Variants in SNX30 observed in about 807,000 individuals in gnomAD.
SNX30 encodes the protein sorting nexin family member 30.
SNX30 carries 24 observed loss-of-function variants against 46.4 expected under a neutral mutation model. That is an observed-to-expected ratio of 0.52 (90% CI 0.37 to 0.73). SNX30 has a LOEUF of 0.73. Ranked by LOEUF, SNX30 falls within the 30% of genes least tolerant of loss-of-function variation. The pLI is 0.00. For synonymous variants in SNX30, 189 were observed against 211.5 expected (o/e 0.89, Z 0.92); for missense variants, 533 against 555.7 (o/e 0.96, Z 0.41).
chr9:112,841,428 T>C (rs1409513783), intron 6 of SNX30, among the ~76,000 whole-genome samples: 1 of 152,238 alleles, frequency 6.6e-6, no homozygotes, highest in African/African-American at 2.4e-5. Context: ...ATGGAGTTTC[T>C]TGTTTACTGA....
At chr9:112,865,624 CAT>C (rs796986603) in intron 8 of SNX30, among the ~76,000 whole-genome samples, 9,292 of 78,658 alleles carry the variant, frequency 0.12, 599 homozygotes, top group Middle Eastern at 0.2. Context: ...CCTGTCACGC[CAT>C]ATATATATAT....
chr9:112,805,904 A>G (rs926677922), intron 2 of SNX30, among the ~76,000 whole-genome samples: 1 of 152,252 alleles, frequency 6.6e-6, no homozygotes, highest in Non-Finnish European at 1.5e-5. Flanking sequence ...TTGTAGGACT[A>G]TACAGCCTAT....
intron 1 of SNX30, among the ~76,000 whole-genome samples, chr9:112,793,795 C>A (rs1219759597): frequency 7.4e-6 from 1 of 135,142 alleles, no homozygotes; most frequent in Non-Finnish European, 1.6e-5. Context: ...TTTACCTCCA[C>A]TGTTTTTTGT....
intron 3 of SNX30, among the ~76,000 whole-genome samples, chr9:112,825,245 C>T (rs1335693354): frequency 6.6e-6 from 1 of 152,178 alleles, no homozygotes; most frequent in African/African-American, 2.4e-5. Context: ...TATTTGCCAA[C>T]ATTTGCTATT....
chr9:112,833,991 A>G (rs775889416), intron 4 of SNX30, among the ~76,000 whole-genome samples: 6 of 152,200 alleles, frequency 3.9e-5, no homozygotes, highest in Non-Finnish European at 7.3e-5. Context: ...CTGAAGGATT[A>G]GAAGTTGAAG....
At chr9:112,792,751 A>T (rs4979154) in intron 1 of SNX30, among the ~76,000 whole-genome samples, 1 of 152,206 alleles carries the variant, frequency 6.6e-6, no homozygotes, top group African/African-American at 2.4e-5. Context: ...TATATTGTTC[A>T]GATTTCCTAA....
intron 2 of SNX30, among the ~76,000 whole-genome samples, chr9:112,807,463 C>T (rs1288081399): frequency 6.6e-6 from 1 of 152,148 alleles, no homozygotes; most frequent in Admixed American, 6.5e-5. Flanking sequence ...CCACTGGGCA[C>T]CTAGCCCAGA....
intron 1 of SNX30, among the ~76,000 whole-genome samples, chr9:112,752,782 CTG>C (rs1847964127): frequency 6.6e-6 from 1 of 152,180 alleles, no homozygotes; most frequent in Non-Finnish European, 1.5e-5. Flanking sequence ...GAAATAGTGT[CTG>C]TGGGACAATC....
rs902838550 is a variant in SNX30 at position 112,871,836 on chromosome 9, G to A, written c.*2993G>A. 2.6e-5 allele frequency: 4 copies of A among 152,314 alleles called. No homozygotes were observed. Among genetic ancestry groups the A allele is most frequent in the East Asian group, 1.9e-4 (1 of 5,192 alleles). 9.4% of individuals were successfully genotyped at this position (152,314 alleles called of 1,614,324 possible). On this transcript the variant is annotated 3_prime_UTR_variant, in exon 9 of 9. Transcript: ENST00000374232. ...TCTTACTAATGTGGTAGATCTACAC[G>A]AACATTCTAGGCTGTTCTGCTCAGA...
chr9:112,866,198 C>T (rs1841340054), intron 8 of SNX30, among the ~76,000 whole-genome samples: 1 of 151,994 alleles, frequency 6.6e-6, no homozygotes, highest in South Asian at 2.1e-4. Flanking sequence ...ATCAAAGGAG[C>T]CCACAGCTTC....
chr9:112,784,400 A>G (rs991236591), intron 1 of SNX30, among the ~76,000 whole-genome samples: 3 of 152,164 alleles, frequency 2.0e-5, no homozygotes, highest in Non-Finnish European at 2.9e-5. Flanking sequence ...CAGATTGTTA[A>G]GCCTGTTATT....
chr9:112,843,866 G>T (rs549092848), intron 6 of SNX30, among the ~76,000 whole-genome samples: 15 of 152,250 alleles, frequency 9.9e-5, no homozygotes, highest in African/African-American at 3.4e-4. Flanking sequence ...ACCCACGTTG[G>T]CCTCCCAAAT....
At chr9:112,848,275 C>T (rs1037540918) in intron 6 of SNX30, among the ~76,000 whole-genome samples, 5 of 151,924 alleles carry the variant, frequency 3.3e-5, no homozygotes, top group African/African-American at 7.3e-5. Flanking sequence ...ACTGCCGGCT[C>T]GGGCCTCATC....
At chr9:112,867,471 C>A (rs191254650) in intron 8 of SNX30, among the ~76,000 whole-genome samples, 1 of 150,210 alleles carries the variant, frequency 6.7e-6, no homozygotes, top group South Asian at 2.1e-4. Flanking sequence ...GAACTCCTCC[C>A]ACCTCAGTAT....
At chr9:112,861,493 G>A (rs1841231310) in intron 7 of SNX30, among the ~76,000 whole-genome samples, 2 of 152,196 alleles carry the variant, frequency 1.3e-5, no homozygotes, top group Admixed American at 6.5e-5. Flanking sequence ...AGTGGCAGGT[G>A]GGGTGTGCAA....
intron 4 of SNX30, 68 bp from the exon 5 acceptor site, chr9:112,836,146 G>C: frequency 7.1e-7 from 1 of 1,399,548 alleles, no homozygotes; most frequent in South Asian, 1.5e-5. Context: ...GCTTTTAGAA[G>C]CTGTTTTATT....
chr9:112,751,249 C>T, intron 1 of SNX30, 92 bp downstream of exon 1: 1 of 1,265,544 alleles, frequency 7.9e-7, no homozygotes, highest in South Asian at 2.2e-5. Flanking sequence ...TGGGGCCGCG[C>T]CCACCCTGCC....
At chr9:112,768,647 CTTTTTTTTTTT>C (rs58983756) in intron 1 of SNX30, among the ~76,000 whole-genome samples, 1 of 64,366 alleles carries the variant, frequency 1.6e-5, no homozygotes, top group Non-Finnish European at 3.3e-5. Context: ...ATTCTTTCTT[CTTTTTTTTTTT>C]TTTTTTTTTT....
At chr9:112,762,991 G>T (rs1839469106) in intron 1 of SNX30, among the ~76,000 whole-genome samples, 1 of 152,124 alleles carries the variant, frequency 6.6e-6, no homozygotes, top group South Asian at 2.1e-4. Context: ...TGAATCACCA[G>T]GTGCTTTCTA....
Sources: allele counts gnomAD v4.1 joint callset (sites outside exome capture counted in the v4.1 genomes callset), GRCh38; gene constraint gnomAD v4.1.1; transcripts MANE v1.5; gene names NCBI Gene and HGNC (gene_info 2026-07-23, HGNC 2026-07-21).